The following ANO3 variants were observed in gnomAD, a reference collection of about 807,000 sequenced individuals.
ANO3 encodes the protein anoctamin-3.
In ANO3, 99 loss-of-function variants were observed where a neutral mutation model predicts 144.8. That is an observed-to-expected ratio of 0.68 (90% CI 0.58 to 0.81). ANO3 has a LOEUF of 0.81. ANO3 is among the 30% of genes least tolerant of loss of function. The pLI is 0.00. For missense variants in ANO3, 905 were observed against 1,202.2 expected (o/e 0.75, Z 3.66); for synonymous variants, 414 against 392.6 (o/e 1.05, Z -0.64).
intron 6 of ANO3, among the ~76,000 whole-genome samples, chr11:26,522,398 A>G (rs1184317534): frequency 2.6e-5 from 4 of 152,182 alleles, no homozygotes; most frequent in Non-Finnish European, 5.9e-5. Context: ...GCATCTCCAC[A>G]TGTAGCCATT....
At chr11:26,229,704 G>A (rs1367565468) in intron 1 of ANO3, among the ~76,000 whole-genome samples, 1 of 151,508 alleles carries the variant, frequency 6.6e-6, no homozygotes, top group African/African-American at 2.4e-5. Flanking sequence ...GACAGCACAT[G>A]TTTTTAATTG....
At chr11:26,392,782 A>G (rs541037516) in intron 1 of ANO3, among the ~76,000 whole-genome samples, 11 of 152,218 alleles carry the variant, frequency 7.2e-5, no homozygotes, top group African/African-American at 2.2e-4. Context: ...GTGGCTTGTA[A>G]CCACTCTGTA....
At chr11:26,619,782 C>A (rs1044567380) in intron 17 of ANO3, among the ~76,000 whole-genome samples, 5 of 152,120 alleles carry the variant, frequency 3.3e-5, no homozygotes, top group Admixed American at 6.6e-5. Context: ...ACTACAGATT[C>A]TTGAGTCCTG....
chr11:26,243,572 G>C (rs1007959638), intron 1 of ANO3, among the ~76,000 whole-genome samples: 2 of 152,086 alleles, frequency 1.3e-5, no homozygotes, highest in African/African-American at 4.8e-5. Context: ...TTTGTTCCTG[G>C]AAATGCAGTT....
At chr11:26,424,536 A>G (rs949230299) in intron 1 of ANO3, among the ~76,000 whole-genome samples, 25 of 151,976 alleles carry the variant, frequency 1.6e-4, no homozygotes, top group Non-Finnish European at 7.4e-5. Flanking sequence ...TTTTACTATC[A>G]GCTAACACCA....
intron 1 of ANO3, among the ~76,000 whole-genome samples, chr11:26,209,351 C>T (rs532853844): frequency 6.6e-6 from 1 of 152,292 alleles, no homozygotes; most frequent in South Asian, 2.1e-4. Flanking sequence ...GCAAAGTATT[C>T]CATTTTGTAT....
chr11:26,305,107 T>A (rs975497826), upstream of ANO3, among the ~76,000 whole-genome samples: 1 of 151,758 alleles, frequency 6.6e-6, no homozygotes, highest in Non-Finnish European at 1.5e-5. Flanking sequence ...TCCAATTAGA[T>A]GTTTATGAAT....
At chr11:26,281,642 A>G (rs1305623131) in intron 1 of ANO3, among the ~76,000 whole-genome samples, 1 of 152,212 alleles carries the variant, frequency 6.6e-6, no homozygotes, top group Non-Finnish European at 1.5e-5. Flanking sequence ...TGTACACTCT[A>G]ACAGGTACAG....
intron 1 of ANO3, among the ~76,000 whole-genome samples, chr11:26,425,518 T>A (rs1010694047): frequency 6.6e-6 from 1 of 152,232 alleles, no homozygotes; most frequent in Non-Finnish European, 1.5e-5. Context: ...TAGTTTTTTT[T>A]ATCTTAAGGT....
chr11:26,302,634 TAAC>T (rs150645742), intron 1 of ANO3, among the ~76,000 whole-genome samples: 5,928 of 152,228 alleles, frequency 0.039, 396 homozygotes, highest in African/African-American at 0.14. Context: ...AAAATATAAA[TAAC>T]AAAGTACAAA....
chr11:26,536,903 A>T (rs1442415802), intron 9 of ANO3, among the ~76,000 whole-genome samples: 1 of 152,000 alleles, frequency 6.6e-6, no homozygotes. Context: ...CTCTACCCTC[A>T]TTGAGAGGGA....
intron 4 of ANO3, 89 bp from the exon 5 acceptor site, chr11:26,508,015 T>C (rs1861504796): frequency 8.8e-7 from 1 of 1,133,460 alleles, no homozygotes; most frequent in South Asian, 1.5e-5. Flanking sequence ...TTTGATATTG[T>C]ATTGCCAGTG....
intron 1 of ANO3, among the ~76,000 whole-genome samples, chr11:26,252,291 G>T (rs576805914): frequency 2.6e-5 from 4 of 152,252 alleles, no homozygotes; most frequent in African/African-American, 9.6e-5. Flanking sequence ...TAGTGATACT[G>T]TCATGCTAAC....
chr11:26,567,185 C>T lies in ANO3; in HGVS notation c.1447+7406C>T. The T allele has an allele frequency of 2.5e-6, 3 of 1,217,460 alleles. No homozygotes were observed. In the East Asian group the frequency reaches 8.8e-5, roughly 36 times the overall value. The allele number at this position is 1,217,460 out of a possible 1,614,324, so 75.4% of individuals were successfully genotyped here. On this transcript the variant is annotated intron_variant, in intron 14 of 26. Transcript: ENST00000256737. ...TATTTAAAGCCAAGTCAACTGACTCCAATCTCATTAGAGGCTAAAATTTGC... is the reference window on the plus strand; with the variant it reads ...TATTTAAAGCCAAGTCAACTGACTCTAATCTCATTAGAGGCTAAAATTTGC...
intron 1 of ANO3, among the ~76,000 whole-genome samples, chr11:26,229,577 T>C (rs916505186): frequency 2.0e-5 from 3 of 152,214 alleles, no homozygotes; most frequent in African/African-American, 4.8e-5. Flanking sequence ...TCAGTGTGCA[T>C]ATGCTAGTTA....
At chr11:26,248,567 C>A (rs1446340957) in intron 1 of ANO3, among the ~76,000 whole-genome samples, 1 of 151,938 alleles carries the variant, frequency 6.6e-6, no homozygotes, top group Non-Finnish European at 1.5e-5. Context: ...CAAAAAGATT[C>A]CCTTTCAAGG....
At chr11:26,446,649 A>T (rs560063372) in intron 3 of ANO3, among the ~76,000 whole-genome samples, 1 of 152,320 alleles carries the variant, frequency 6.6e-6, no homozygotes, top group South Asian at 2.1e-4. Context: ...CTTTATTCTT[A>T]CATCCACTAG....
rs74733294 is a variant in ANO3 at position 26,524,166 on chromosome 11, G to A, written c.693-1469G>A. ...AATAGTGCAAGACAATATATGTACCGGTGGTTCTGAAGAAAAGATGAGTTT... is the reference window on the plus strand; with the variant it reads ...AATAGTGCAAGACAATATATGTACCAGTGGTTCTGAAGAAAAGATGAGTTT... On this transcript the variant is annotated intron_variant, in intron 6 of 26. Transcript: ENST00000256737. 2.6e-4 allele frequency among the ~76,000 whole-genome samples: 39 copies of A among 152,224 alleles called. No homozygotes were observed. In the East Asian group the frequency reaches 7.5e-3, roughly 29 times the overall value.
chr11:26,407,076 G>GTATATATATATATATATATATATATA (rs374806519), intron 1 of ANO3, among the ~76,000 whole-genome samples: 1 of 101,484 alleles, frequency 9.9e-6, no homozygotes, highest in Non-Finnish European at 2.0e-5. Flanking sequence ...GTGTGTGTGT[G>GTATATATATATATATATATATATATA]TATATATATA....
Sources: gnomAD v4.1 joint callset for allele counts (sites outside exome capture counted in the v4.1 genomes callset) on GRCh38, gnomAD v4.1.1 for gene constraint, MANE v1.5 for transcripts, NCBI Gene and HGNC (gene_info 2026-07-23, HGNC 2026-07-21) for gene names.